Variants in LHX2 observed in about 807,000 individuals in gnomAD.
The protein encoded by LHX2 is LIM/homeobox protein Lhx2.
A neutral mutation model predicts 33.0 loss-of-function variants in LHX2; 6 were observed. That is an observed-to-expected ratio of 0.18 (90% CI 0.10 to 0.36). LHX2 has a LOEUF of 0.36. LHX2 is among the 10% of genes least tolerant of loss of function. LHX2 has a pLI of 1.00. For synonymous variants in LHX2, 292 were observed against 253.1 expected (o/e 1.15, Z -1.46); for missense variants, 442 against 586.2 (o/e 0.75, Z 2.54).
rs760967712 is a variant in LHX2, at chr9:124,013,947, C to T, written c.121-14C>T. The T allele has an allele frequency of 3.7e-6, 6 of 1,608,546 alleles. No homozygotes were observed. The highest frequency in any genetic ancestry group is 5.1e-6 in the Non-Finnish European group (6 of 1,177,240). On this transcript the variant is annotated splice_polypyrimidine_tract_variant and intron_variant, in intron 1 of 4. Transcript: ENST00000373615. ...ACGCAGGCGCTGCTGTCTTCCGCCT[C>T]CCTCCCTTCGCAGACCATGCCGTCC...
chr9:124,025,440 CAAAAAAAAAAAA>C (rs71999375), intron 4 of LHX2, among the ~76,000 whole-genome samples: 54,401 of 105,046 alleles, frequency 0.52, 11,180 homozygotes, highest in Admixed American at 0.59. Context: ...GACTCTGTCT[CAAAAAAAAAAAA>C]AAAAAAAAAA....
At chr9:124,029,721 G>A (rs866363054) in intron 4 of LHX2, among the ~76,000 whole-genome samples, 2 of 152,140 alleles carry the variant, frequency 1.3e-5, no homozygotes, top group African/African-American at 4.8e-5. Context: ...CAGGCTCCCC[G>A]CTCCAGCTAC....
Position 124,032,465 on chromosome 9 carries a change from C to T in LHX2, c.979C>T (p.Arg327Trp). The T allele has an allele frequency of 1.2e-6, 2 of 1,607,600 alleles. No homozygotes were observed. Among genetic ancestry groups the T allele is most frequent in the Non-Finnish European group, 1.7e-6 (2 of 1,178,186 alleles). Residue 327 changes from arginine (R) to tryptophan (W), a missense_variant, in exon 5 of 5, where the codon CGG (arginine) becomes TGG (tryptophan). Arg to Trp is a moderately radical substitution (Grantham distance 101). Transcript: ENST00000373615. This position sits in a 1 kb window ranked among gnomAD's most constrained non-coding sequence, Gnocchi z 4.1. Reference sequence around the variant, plus strand: ...AGCCAAGTTCAGGCGCAACCTCTTACGGCAGGAAAACACGGGCGTGGACAA... The same window carrying T: ...AGCCAAGTTCAGGCGCAACCTCTTATGGCAGGAAAACACGGGCGTGGACAA... Reference protein sequence around the residue: ...ARAKFRRNLLRQENTGVDKST... With the variant: ...ARAKFRRNLLWQENTGVDKST...
At chr9:124,019,523 A>G (rs1398813826) in intron 3 of LHX2, among the ~76,000 whole-genome samples, 1 of 152,242 alleles carries the variant, frequency 6.6e-6, no homozygotes, top group Non-Finnish European at 1.5e-5. Flanking sequence ...CCCGTGTAAT[A>G]TTTGAATTTT....
Position 124,020,816 on chromosome 9 carries a change from A to G in LHX2, c.728-283A>G, listed in dbSNP as rs10119337. On this transcript the variant is annotated intron_variant, in intron 3 of 4. Transcript: ENST00000373615. ...TGTTGCTGCTGCTGCTGCTGCTGCTACTATTGTTCTTATTGTAACATAATG... is the reference window on the plus strand; with the variant it reads ...TGTTGCTGCTGCTGCTGCTGCTGCTGCTATTGTTCTTATTGTAACATAATG... Among the ~76,000 whole-genome samples, 1,469 of 151,596 alleles carry G rather than the reference A, an allele frequency of 9.7e-3. 21 individuals carry two copies. Among genetic ancestry groups the G allele is most frequent in the African/African-American group, 0.034 (1,395 of 40,954 alleles).
At chr9:124,019,600 A>C (rs1285898419) in intron 3 of LHX2, among the ~76,000 whole-genome samples, 1 of 152,250 alleles carries the variant, frequency 6.6e-6, no homozygotes, top group African/African-American at 2.4e-5. Context: ...TAAACAACAA[A>C]TACATTTTTA....
chr9:124,020,674 G>A (rs1305309526), intron 3 of LHX2, among the ~76,000 whole-genome samples: 1 of 152,032 alleles, frequency 6.6e-6, no homozygotes, highest in East Asian at 1.9e-4. Context: ...CTGTAAAAAC[G>A]GGAAAAATAA....
In LHX2 at chr9:124,032,929, CTG is replaced by C. The variant is rs758226298; in HGVS notation, c.*224_*225del. The C allele has an allele frequency of 2.1e-6, 1 of 479,306 alleles. No individual in the cohort carries two copies. The highest frequency in any genetic ancestry group is 3.6e-6 in the Non-Finnish European group (1 of 276,164). 29.7% of individuals were successfully genotyped at this position (479,306 alleles called of 1,614,324 possible). A position where few individuals can be genotyped will look rare whatever the true frequency, so the allele number is the denominator to read the frequency against. On this transcript the variant is annotated 3_prime_UTR_variant, in exon 5 of 5. Transcript: ENST00000373615. The surrounding 1 kb of genome is among the most constrained non-coding windows in gnomAD (Gnocchi z 4.1). The stretch of plus-strand genomic sequence containing the variant: ...TACCTGCAACACAACATTTGTGTCA[CTG>C]TACAGTTTTGTGGACTGAGCGAGGA...
chr9:124,029,970 C>T (rs1015856786), intron 4 of LHX2, among the ~76,000 whole-genome samples: 1 of 152,166 alleles, frequency 6.6e-6, no homozygotes, highest in African/African-American at 2.4e-5. Context: ...AGGGAAGGAC[C>T]CCCCCACCCC....
Position 124,017,910 on chromosome 9 carries a change from G to A in LHX2, c.727+2385G>A, listed in dbSNP as rs1859220738. On this transcript the variant is annotated intron_variant, in intron 3 of 4. Transcript: ENST00000373615. ...CTACCCCGGGAGGGGCTGCCAGCGG[G>A]CTGGGGGTGCGAAAACGGCGGCAGG... 1.3e-5 allele frequency among the ~76,000 whole-genome samples: 2 copies of A among 151,932 alleles called. 1 individual carries two copies. Among genetic ancestry groups the A allele is most frequent in the South Asian group, 4.1e-4 (2 of 4,834 alleles).
chr9:124,012,453 C>A lies in LHX2; in HGVS notation c.105C>A (p.Arg35=). The A allele has an allele frequency of 6.6e-7, 1 of 1,512,996 alleles. No individual in the cohort carries two copies. The highest frequency in any genetic ancestry group is 1.7e-4 in the Middle Eastern group (1 of 5,730). The allele number at this position is 1,512,996 out of a possible 1,614,324, so 93.7% of individuals were successfully genotyped here. The stretch of plus-strand genomic sequence containing the variant: ...CCGCCATCAGCTCCGCCATCGACCG[C>A]GGCGACACCGAGACGGTAGGCGCGC... ...EAPAISSAID[R]GDTETTMPSI... The change falls in exon 1 of 5, where the codon CGC becomes CGA. Residue 35 remains arginine (R), a synonymous_variant. Coordinates refer to ENST00000373615, the MANE Select transcript of LHX2 (RefSeq NM_004789.4). This position sits in a 1 kb window ranked among gnomAD's most constrained non-coding sequence, Gnocchi z 4.3.
Position 124,013,990 on chromosome 9 carries a change from C to T in LHX2, c.150C>T (p.Ala50=), listed in dbSNP as rs569497533. 1.2e-6 allele frequency: 2 copies of T among 1,613,250 alleles called. No homozygotes were observed. Among genetic ancestry groups the T allele is most frequent in the South Asian group, 1.1e-5 (1 of 91,068 alleles). The change falls in exon 2 of 5, where the codon GCC becomes GCT. Residue 50 remains alanine (A), a synonymous_variant. Coordinates refer to ENST00000373615, the MANE Select transcript of LHX2 (RefSeq NM_004789.4). ...TGCCGTCCATCAGCAGTGACCGCGC[C>T]GCGCTGTGCGCCGGCTGCGGGGGCA... ...TTMPSISSDR[A]ALCAGCGGKI...
chr9:124,015,842 G>A lies in LHX2; in HGVS notation c.727+317G>A, dbSNP rs1423005508. ...GCAGGAAGTGGCAGGGATGGAGAAA[G>A]CAAGGCGGCGCTGACGCCAAACAGG... On this transcript the variant is annotated intron_variant, in intron 3 of 4. Transcript: ENST00000373615. This position sits in a 1 kb window ranked among gnomAD's most constrained non-coding sequence, Gnocchi z 7.9. Among the ~76,000 whole-genome samples, 2 of 152,258 alleles carry A rather than the reference G, an allele frequency of 1.3e-5. No individual in the cohort carries two copies. Among genetic ancestry groups the A allele is most frequent in the African/African-American group, 4.8e-5 (2 of 41,476 alleles).
At chr9:124,023,778 T>C (rs1343949184) in intron 4 of LHX2, among the ~76,000 whole-genome samples, 1 of 152,200 alleles carries the variant, frequency 6.6e-6, no homozygotes, top group East Asian at 1.9e-4. Flanking sequence ...GCACCAGGCC[T>C]TGGGGACACA....
chr9:124,029,118 T>TAAC (rs755893349), intron 4 of LHX2, among the ~76,000 whole-genome samples: 3 of 150,938 alleles, frequency 2.0e-5, no homozygotes, highest in Non-Finnish European at 4.4e-5. Flanking sequence ...TCTCAAAAAA[T>TAAC]AATAATAATA....
intron 1 of LHX2, 57 bp from the exon 2 acceptor site, chr9:124,013,904 C>G: frequency 1.3e-6 from 2 of 1,548,968 alleles, no homozygotes; most frequent in South Asian, 1.1e-5. Context: ...TTCCCGGCGG[C>G]GGAGGGGCCG....
chr9:124,023,780 G>C (rs1425182622), intron 4 of LHX2, among the ~76,000 whole-genome samples: 11 of 152,156 alleles, frequency 7.2e-5, no homozygotes, highest in Admixed American at 7.2e-4. Context: ...ACCAGGCCTT[G>C]GGGACACAGA....
Position 124,024,267 on chromosome 9 carries a change from C to T in LHX2, c.933+2963C>T, listed in dbSNP as rs923764550. Among the ~76,000 whole-genome samples the T allele has an allele frequency of 4.6e-5, 7 of 152,238 alleles. No homozygotes were observed. The South Asian group carries it at 1.4e-3, about 31-fold the overall frequency. ...CATTATCTTTCCAGCCACGTATCTA[C>T]CTTACCTTAAGATTTTTCTGCCCAT... On this transcript the variant is annotated intron_variant, in intron 4 of 4. Transcript: ENST00000373615.
In LHX2 at chr9:124,016,811, A is replaced by G. The variant is rs569504405; in HGVS notation, c.727+1286A>G. On this transcript the variant is annotated intron_variant, in intron 3 of 4. Transcript: ENST00000373615. The surrounding 1 kb of genome is among the most constrained non-coding windows in gnomAD (Gnocchi z 4.4). ...TAAGATTTGCTGAAGGCACTACCAC[A>G]GATGTAGCTCTCTGGAACTTCCATC... is the stretch of plus-strand genomic sequence containing the variant. 6.6e-6 allele frequency among the ~76,000 whole-genome samples: 1 copy of G among 152,250 alleles called. No individual in the cohort carries two copies. Among genetic ancestry groups the G allele is most frequent in the East Asian group, 1.9e-4 (1 of 5,178 alleles).
Sources: allele counts gnomAD v4.1 joint callset (sites outside exome capture counted in the v4.1 genomes callset), GRCh38; gene constraint gnomAD v4.1.1; non-coding constraint Gnocchi (gnomAD v3.1); transcripts MANE v1.5; gene names NCBI Gene and HGNC (gene_info 2026-07-23, HGNC 2026-07-21).